The following SPATS2L variants were observed in gnomAD, a reference collection of about 807,000 sequenced individuals.
SPATS2L encodes the protein SPATS2-like protein.
Under a neutral mutation model 59.6 loss-of-function variants are expected in SPATS2L, and 30 were observed. The observed-to-expected ratio is 0.50, with a 90% CI of 0.38 to 0.68. SPATS2L has a LOEUF of 0.68. Among genes scored for constraint, SPATS2L ranks in the 30% least tolerant of loss-of-function variants. The probability of loss-of-function intolerance (pLI) is 0.00; values close to 1 mark genes in which losing one functional copy is unlikely to be tolerated. For missense variants in SPATS2L, 615 were observed against 700.0 expected, an observed-to-expected ratio of 0.88 and a Z score of 1.37; for synonymous variants, 252 against 263.5, an observed-to-expected ratio of 0.96 and a Z score of 0.42.
chr2:200,458,474 C>G (rs189997957), intron 8 of SPATS2L, among the ~76,000 whole-genome samples: 32 of 152,136 alleles, frequency 2.1e-4, no homozygotes, highest in Non-Finnish European at 3.5e-4. Flanking sequence ...AAACCTGAAT[C>G]TAATCAGATT....
At chr2:200,463,766 T>C (rs2086403750) in intron 9 of SPATS2L, among the ~76,000 whole-genome samples, 1 of 152,172 alleles carries the variant, frequency 6.6e-6, no homozygotes, top group South Asian at 2.1e-4. Context: ...AATTATGAAG[T>C]AGAATGCAAA....
chr2:200,352,408 C>T (rs1339809271), intron 2 of SPATS2L, among the ~76,000 whole-genome samples: 1 of 143,716 alleles, frequency 7.0e-6, no homozygotes, highest in African/African-American at 2.8e-5. Flanking sequence ...CTCTTTTAAA[C>T]ATTATCCCAA....
At chr2:200,451,207 G>A (rs975787657) in intron 8 of SPATS2L, among the ~76,000 whole-genome samples, 30 of 83,828 alleles carry the variant, frequency 3.6e-4, no homozygotes, top group African/African-American at 1.4e-3. Context: ...TCCAGTCCCA[G>A]CTACTCTGGA....
At chr2:200,428,314 C>T (rs1026042740) in intron 6 of SPATS2L, among the ~76,000 whole-genome samples, 18 of 152,074 alleles carry the variant, frequency 1.2e-4, no homozygotes, top group African/African-American at 4.1e-4. Context: ...TTATTTTTTC[C>T]CTTTAGCAGT....
upstream of SPATS2L, chr2:200,305,983 C>T (rs2079002020): frequency 1.0e-6 from 1 of 956,908 alleles, no homozygotes; most frequent in South Asian, 4.8e-5. Context: ...ACTGTACTCC[C>T]AGGCAGAAAC....
At chr2:200,325,310 T>C (rs903718122) in intron 1 of SPATS2L, among the ~76,000 whole-genome samples, 2 of 152,218 alleles carry the variant, frequency 1.3e-5, no homozygotes, top group Non-Finnish European at 2.9e-5. Context: ...CAAAGGATTT[T>C]TGAGCAGGTA....
Position 200,481,543 on chromosome 2 carries a change from C to T in SPATS2L, c.*3512C>T, listed in dbSNP as rs928711488. 1 of 152,262 alleles carries T rather than the reference C, an allele frequency of 6.6e-6. No homozygotes were observed. The highest frequency in any genetic ancestry group is 2.4e-5 in the African/African-American group (1 of 41,434). 9.4% of individuals were successfully genotyped at this position (152,262 alleles called of 1,614,324 possible). A position where few individuals can be genotyped will look rare whatever the true frequency, so the allele number is the denominator to read the frequency against. On this transcript the variant is annotated 3_prime_UTR_variant, in exon 13 of 13. Coordinates refer to ENST00000409140, the MANE Select transcript of SPATS2L (RefSeq NM_001100423.2). ...GGCTACCTTTGACAAAGCTTTCTTCCTCCCTCCCTCCCTTTGCACGCTGCA... is the reference window on the plus strand; with the variant it reads ...GGCTACCTTTGACAAAGCTTTCTTCTTCCCTCCCTCCCTTTGCACGCTGCA...
At chr2:200,427,603 T>C (rs1269898522) in intron 6 of SPATS2L, among the ~76,000 whole-genome samples, 1 of 151,384 alleles carries the variant, frequency 6.6e-6, no homozygotes, top group African/African-American at 2.4e-5. Context: ...CTAAAGATGT[T>C]ATTCCAGTCA....
intron 5 of SPATS2L, among the ~76,000 whole-genome samples, chr2:200,417,911 G>A (rs1017412420): frequency 1.2e-4 from 18 of 152,168 alleles, no homozygotes; most frequent in African/African-American, 3.4e-4. Flanking sequence ...CTGATTGGCC[G>A]GGGCTGGTAC....
At chr2:200,311,818 G>A (rs1488175369) in intron 1 of SPATS2L, among the ~76,000 whole-genome samples, 3 of 152,116 alleles carry the variant, frequency 2.0e-5, no homozygotes, top group Non-Finnish European at 4.4e-5. Context: ...GAGCTCAGAA[G>A]GGAAAAAAAT....
intron 2 of SPATS2L, among the ~76,000 whole-genome samples, chr2:200,348,992 T>C (rs1350171166): frequency 6.6e-6 from 1 of 152,170 alleles, no homozygotes; most frequent in Admixed American, 6.5e-5. Context: ...GAGTCAGTAT[T>C]GGCATATCCT....
chr2:200,424,149 C>T (rs980051274), intron 6 of SPATS2L, among the ~76,000 whole-genome samples: 27 of 151,974 alleles, frequency 1.8e-4, no homozygotes, highest in Non-Finnish European at 2.9e-4. Flanking sequence ...CAATCAAAAT[C>T]ATCCTGGGCT....
chr2:200,321,303 G>A (rs1269122949), intron 1 of SPATS2L, among the ~76,000 whole-genome samples: 4 of 152,202 alleles, frequency 2.6e-5, no homozygotes, highest in Admixed American at 6.5e-5. Flanking sequence ...TACAACTTAC[G>A]TAGTGACTAT....
intron 6 of SPATS2L, among the ~76,000 whole-genome samples, chr2:200,432,194 T>G (rs2083978728): frequency 6.6e-6 from 1 of 151,910 alleles, no homozygotes; most frequent in Non-Finnish European, 1.5e-5. Flanking sequence ...AGAAAGGAAG[T>G]AGATGGAAGG....
upstream of SPATS2L, chr2:200,306,374 G>T: frequency 2.0e-6 from 2 of 1,002,354 alleles, no homozygotes; most frequent in South Asian, 4.7e-5. Context: ...GTGAAGTGGA[G>T]GTTTGGGGAA....
chr2:200,356,695 G>A lies in SPATS2L; in HGVS notation c.-23+27215G>A, dbSNP rs566740102. ...GATGGCTTGGTAAATGACTAATAAC[G>A]CTTTAGGGATCATGGATGTCAGCCT... On this transcript the variant is annotated intron_variant, in intron 2 of 12. Transcript: ENST00000409140. Among the ~76,000 whole-genome samples, 10 of 152,264 alleles carry A rather than the reference G, an allele frequency of 6.6e-5. No individual in the cohort carries two copies. In the South Asian group the frequency reaches 1.0e-3, roughly 16 times the overall value.
At chr2:200,449,487 G>A (rs2085296119) in intron 8 of SPATS2L, among the ~76,000 whole-genome samples, 2 of 152,202 alleles carry the variant, frequency 1.3e-5, no homozygotes, top group Non-Finnish European at 1.5e-5. Context: ...CAAGAAATTG[G>A]TTCTAATTTC....
chr2:200,450,496 C>T (rs946482227), intron 8 of SPATS2L, among the ~76,000 whole-genome samples: 5 of 152,314 alleles, frequency 3.3e-5, no homozygotes, highest in Middle Eastern at 6.8e-3. Flanking sequence ...GCTCCCCTTC[C>T]CCTTTCTTGT....
At chr2:200,405,328 C>T (rs2082656038) in intron 3 of SPATS2L, among the ~76,000 whole-genome samples, 1 of 151,630 alleles carries the variant, frequency 6.6e-6, no homozygotes, top group South Asian at 2.1e-4. Flanking sequence ...ATAAAAACTG[C>T]ATTTTTTTCC....
Sources: allele counts gnomAD v4.1 joint callset (sites outside exome capture counted in the v4.1 genomes callset), GRCh38; gene constraint gnomAD v4.1.1; transcripts MANE v1.5; gene names NCBI Gene and HGNC (gene_info 2026-07-23, HGNC 2026-07-21).